Variants in CDH12 observed in about 807,000 individuals in gnomAD.
CDH12 encodes cadherin-12.
A neutral mutation model predicts 74.1 loss-of-function variants in CDH12; 41 were observed. The observed-to-expected ratio is 0.55, with a 90% CI of 0.43 to 0.72. The LOEUF (loss-of-function observed/expected upper bound fraction) is 0.72. Ranked by LOEUF, CDH12 falls within the 30% of genes least tolerant of loss-of-function variation. The pLI, the probability that CDH12 is intolerant of heterozygous loss-of-function variation, is 0.00. For synonymous variants in CDH12, 399 were observed against 355.0 expected (o/e 1.12, Z -1.39); for missense variants, 945 against 977.2 (o/e 0.97, Z 0.44).
chr5:22,840,365 A>G (rs564207596), intron 1 of CDH12, among the ~76,000 whole-genome samples: 1 of 152,026 alleles, frequency 6.6e-6, no homozygotes, highest in Admixed American at 6.6e-5. Context: ...CTTGTAATCC[A>G]GCTGCCTTGG....
At chr5:22,125,366 T>C (rs899210938) in intron 4 of CDH12, among the ~76,000 whole-genome samples, 17 of 152,158 alleles carry the variant, frequency 1.1e-4, no homozygotes, top group African/African-American at 4.1e-4. Context: ...TGCTGTTTGG[T>C]TTTCTGTTTC....
chr5:22,823,521 T>C (rs1172907021), intron 1 of CDH12, among the ~76,000 whole-genome samples: 2 of 152,150 alleles, frequency 1.3e-5, no homozygotes, highest in East Asian at 3.9e-4. Context: ...TCATTAAACA[T>C]CTTTCCTTTG....
At chr5:22,713,693 G>T (rs1743417021) in intron 1 of CDH12, among the ~76,000 whole-genome samples, 1 of 152,048 alleles carries the variant, frequency 6.6e-6, no homozygotes, top group Non-Finnish European at 1.5e-5. Context: ...TACATACACT[G>T]GTTGTAGATG....
intron 1 of CDH12, among the ~76,000 whole-genome samples, chr5:22,722,360 A>G (rs1477043728): frequency 6.6e-6 from 1 of 152,242 alleles, no homozygotes; most frequent in African/African-American, 2.4e-5. Flanking sequence ...TTGCAGAGTT[A>G]TATCACAAAG....
intron 4 of CDH12, among the ~76,000 whole-genome samples, chr5:22,184,340 A>G (rs1257264143): frequency 6.6e-6 from 1 of 152,172 alleles, no homozygotes; most frequent in Non-Finnish European, 1.5e-5. Context: ...TCCATTTCCA[A>G]AAAATATATA....
intron 1 of CDH12, among the ~76,000 whole-genome samples, chr5:22,667,275 T>G (rs918088151): frequency 6.6e-6 from 1 of 152,208 alleles, no homozygotes; most frequent in Non-Finnish European, 1.5e-5. Context: ...GTAGAGATGG[T>G]AGTCCCTCTC....
intron 12 of CDH12, among the ~76,000 whole-genome samples, chr5:21,762,446 T>C (rs1342056842): frequency 6.6e-6 from 1 of 152,140 alleles, no homozygotes; most frequent in African/African-American, 2.4e-5. Context: ...TTCGTATGCA[T>C]AGTTCTTAGA....
intron 1 of CDH12, among the ~76,000 whole-genome samples, chr5:22,718,377 C>T (rs767060227): frequency 2.0e-5 from 3 of 152,152 alleles, no homozygotes; most frequent in Non-Finnish European, 2.9e-5. Context: ...AGGTGCCTGA[C>T]ATCTAGTGAC....
intron 1 of CDH12, among the ~76,000 whole-genome samples, chr5:22,844,452 A>G (rs952657069): frequency 2.0e-5 from 3 of 152,088 alleles, no homozygotes; most frequent in Admixed American, 6.6e-5. Flanking sequence ...TAAAAACTCA[A>G]AGATCTGTTA....
chr5:22,491,893 GTCT>G (rs1252868439), intron 2 of CDH12, among the ~76,000 whole-genome samples: 1 of 152,134 alleles, frequency 6.6e-6, no homozygotes, highest in Non-Finnish European at 1.5e-5. Flanking sequence ...GTCTTCTCCT[GTCT>G]TCACGATGTC....
At position 21,975,242 on chromosome 5, in the gene CDH12, G is replaced by A; in HGVS notation, c.375C>T (p.Tyr125=). The part of the protein sequence containing the change: ...RSLDREEKPF[Y]TLRAQAVDIE... Reference sequence around the variant, plus strand: ...TGTCCACAGCCTGAGCACGAAGAGTGTAGAAAGGTTTCTCTTCTCTATCTA... The same window carrying A: ...TGTCCACAGCCTGAGCACGAAGAGTATAGAAAGGTTTCTCTTCTCTATCTA... The change falls in exon 6 of 15, where the codon TAC becomes TAT. Residue 125 remains tyrosine, a synonymous_variant. Coordinates refer to ENST00000382254, the MANE Select transcript of CDH12 (RefSeq NM_004061.5). The A allele has an allele frequency of 1.9e-6, 3 of 1,597,338 alleles. No individual in the cohort carries two copies. Among genetic ancestry groups the A allele is most frequent in the Middle Eastern group, 2.3e-4 (1 of 4,428 alleles).
At chr5:22,011,168 C>T (rs988214510) in intron 5 of CDH12, among the ~76,000 whole-genome samples, 1 of 151,956 alleles carries the variant, frequency 6.6e-6, no homozygotes, top group Non-Finnish European at 1.5e-5. Flanking sequence ...GAAGGCATGC[C>T]AGAAGGACTA....
chr5:22,585,120 TTC>T (rs1457548228), intron 1 of CDH12, among the ~76,000 whole-genome samples: 1 of 152,230 alleles, frequency 6.6e-6, no homozygotes, highest in Non-Finnish European at 1.5e-5. Context: ...TAGAATATAC[TTC>T]TGTTATTGTT....
At chr5:22,765,546 T>C (rs1746460394) in intron 1 of CDH12, among the ~76,000 whole-genome samples, 1 of 152,012 alleles carries the variant, frequency 6.6e-6, no homozygotes, top group South Asian at 2.1e-4. Flanking sequence ...TTATTTTTAA[T>C]AAAGTATAGA....
chr5:21,779,884 A>G (rs564145429), intron 11 of CDH12, among the ~76,000 whole-genome samples: 1 of 152,184 alleles, frequency 6.6e-6, no homozygotes, highest in Non-Finnish European at 1.5e-5. Context: ...ATAAAAACCT[A>G]TGATTACCTA....
At chr5:22,565,766 A>T (rs1215704619) in intron 1 of CDH12, among the ~76,000 whole-genome samples, 1 of 152,190 alleles carries the variant, frequency 6.6e-6, no homozygotes, top group Admixed American at 6.5e-5. Context: ...AGGGTATTTC[A>T]CAGAGTTTGC....
chr5:22,197,073 T>A (rs10037277), intron 4 of CDH12, among the ~76,000 whole-genome samples: 150,813 of 152,266 alleles, frequency 0.99, 74,711 homozygotes, highest in Middle Eastern at 1. Flanking sequence ...TAAAAAATAG[T>A]TTATGATAAG....
At chr5:22,488,600 C>T (rs942580479) in intron 2 of CDH12, among the ~76,000 whole-genome samples, 1 of 152,114 alleles carries the variant, frequency 6.6e-6, no homozygotes, top group African/African-American at 2.4e-5. Context: ...GAGGCCATAC[C>T]TCTACTCATC....
chr5:22,420,436 T>C (rs2126494457), intron 2 of CDH12, among the ~76,000 whole-genome samples: 1 of 152,292 alleles, frequency 6.6e-6, no homozygotes, highest in South Asian at 2.1e-4. Context: ...GAGAATCCTT[T>C]CCCCATTGTT....
Sources: allele counts gnomAD v4.1 joint callset (sites outside exome capture counted in the v4.1 genomes callset), GRCh38; gene constraint gnomAD v4.1.1; transcripts MANE v1.5; gene names NCBI Gene and HGNC (gene_info 2026-07-23, HGNC 2026-07-21).